Variants in CAMTA1 observed in about 807,000 individuals in gnomAD.
The protein encoded by CAMTA1 is calmodulin-binding transcription activator 1.
CAMTA1 carries 27 observed loss-of-function variants against 170.9 expected under a neutral mutation model. That is an observed-to-expected ratio of 0.16 (90% CI 0.12 to 0.22). CAMTA1 has a LOEUF of 0.22. Among genes scored for constraint, CAMTA1 ranks in the 10% least tolerant of loss-of-function variants. The pLI, the probability that CAMTA1 is intolerant of heterozygous loss-of-function variation, is 1.00. For synonymous variants in CAMTA1, 833 were observed against 891.5 expected (o/e 0.93, Z 1.17); for missense variants, 1,619 against 2,217.2 (o/e 0.73, Z 5.42).
chr1:7,438,267 C>T (rs764660504), intron 5 of CAMTA1, among the ~76,000 whole-genome samples: 16 of 152,078 alleles, frequency 1.1e-4, no homozygotes, highest in South Asian at 2.1e-4. Context: ...ACGCACTGTC[C>T]GAGCGGCAGG....
chr1:7,756,987 A>G (rs1428715257), intron 22 of CAMTA1, among the ~76,000 whole-genome samples: 1 of 152,252 alleles, frequency 6.6e-6, no homozygotes, highest in African/African-American at 2.4e-5. Context: ...TGAAATTATA[A>G]CATGGGAATT....
intron 22 of CAMTA1, among the ~76,000 whole-genome samples, chr1:7,764,877 T>G (rs887026761): frequency 6.6e-6 from 1 of 151,948 alleles, no homozygotes; most frequent in Non-Finnish European, 1.5e-5. Context: ...GGAGAATCAC[T>G]TGAACCCAGG....
intron 6 of CAMTA1, among the ~76,000 whole-genome samples, chr1:7,493,932 CG>C (rs891930521): frequency 2.6e-5 from 4 of 152,090 alleles, no homozygotes; most frequent in Non-Finnish European, 5.9e-5. Flanking sequence ...CTTCACTCCC[CG>C]TCTCTGCCTC....
intron 4 of CAMTA1, among the ~76,000 whole-genome samples, chr1:7,185,922 C>T (rs1053987946): frequency 6.6e-6 from 1 of 152,172 alleles, no homozygotes; most frequent in Non-Finnish European, 1.5e-5. Context: ...GATCGGATCC[C>T]GGACCACGCG....
intron 3 of CAMTA1, among the ~76,000 whole-genome samples, chr1:6,908,631 G>A (rs1280204505): frequency 1.3e-5 from 2 of 152,184 alleles, no homozygotes; most frequent in Non-Finnish European, 2.9e-5. Context: ...CTTTTCTTGG[G>A]GTAGAGAGTT....
intron 3 of CAMTA1, among the ~76,000 whole-genome samples, chr1:6,973,563 T>A (rs1435081008): frequency 6.6e-6 from 1 of 152,244 alleles, no homozygotes; most frequent in Non-Finnish European, 1.5e-5. Flanking sequence ...TTTGGGCTTT[T>A]GTGAATAGTG....
At chr1:7,386,399 CACT>C (rs1179721557) in intron 5 of CAMTA1, among the ~76,000 whole-genome samples, 5 of 152,184 alleles carry the variant, frequency 3.3e-5, no homozygotes, top group Admixed American at 3.3e-4. Context: ...AGGCTGTAGC[CACT>C]CAGTCATCCC....
chr1:7,358,071 G>T (rs370846621), intron 5 of CAMTA1, among the ~76,000 whole-genome samples: 8 of 152,214 alleles, frequency 5.3e-5, no homozygotes, highest in African/African-American at 1.9e-4. Flanking sequence ...TTTGTGGAGG[G>T]GGGGAATGGA....
At chr1:7,127,034 G>A (rs926902915) in intron 4 of CAMTA1, among the ~76,000 whole-genome samples, 3 of 152,212 alleles carry the variant, frequency 2.0e-5, no homozygotes, top group Admixed American at 6.5e-5. Context: ...CTCCCAAAGC[G>A]CTGGGATTAC....
At chr1:7,728,850 C>T (rs1478416378) in intron 11 of CAMTA1, among the ~76,000 whole-genome samples, 3 of 152,154 alleles carry the variant, frequency 2.0e-5, no homozygotes, top group African/African-American at 7.2e-5. Flanking sequence ...CCTCTGTAGT[C>T]ATCTTGTGTT....
intron 5 of CAMTA1, among the ~76,000 whole-genome samples, chr1:7,318,786 C>T (rs954982842): frequency 3.3e-5 from 5 of 152,232 alleles, no homozygotes; most frequent in African/African-American, 4.8e-5. Context: ...CCTGGTGCCA[C>T]GCGTTTTACT....
chr1:7,522,862 G>T (rs945819686), intron 6 of CAMTA1, among the ~76,000 whole-genome samples: 3 of 152,118 alleles, frequency 2.0e-5, no homozygotes, highest in Non-Finnish European at 2.9e-5. Flanking sequence ...CTGTTCTGTT[G>T]ATCTCTTTTT....
chr1:7,672,575 C>A (rs1458149929), intron 10 of CAMTA1, among the ~76,000 whole-genome samples: 1 of 152,160 alleles, frequency 6.6e-6, no homozygotes. Context: ...GCTTGTGCCA[C>A]CACACCCAGC....
rs757670660 is a variant in CAMTA1 at position 7,671,058 on chromosome 1, GC to G, written c.2779+26del. The G allele has an allele frequency of 1.2e-5, 19 of 1,611,636 alleles. No homozygotes were observed. The East Asian group carries it at 4.0e-4, about 34-fold the overall frequency. On this transcript the variant is annotated intron_variant, in intron 10 of 22. Transcript: ENST00000303635. ...CCCAGGTGAGAAAGCCGCCCCCCAG[GC>G]CCCCAAGGTGAGTGTGATGGCCTGA...
intron 5 of CAMTA1, among the ~76,000 whole-genome samples, chr1:7,437,858 T>C (rs1401188617): frequency 6.6e-6 from 1 of 152,160 alleles, no homozygotes; most frequent in Non-Finnish European, 1.5e-5. Context: ...GTCCAGCACA[T>C]GGGTGAAGCA....
intron 2 of CAMTA1, among the ~76,000 whole-genome samples, chr1:6,820,813 T>C (rs1646405298): frequency 6.6e-6 from 1 of 152,110 alleles, no homozygotes; most frequent in Non-Finnish European, 1.5e-5. Flanking sequence ...TAATGGAAAA[T>C]AGATTTACTT....
At chr1:7,705,539 T>TCGGGGCGCGCGGGGG (rs1048467290) in intron 11 of CAMTA1, among the ~76,000 whole-genome samples, 3 of 147,772 alleles carry the variant, frequency 2.0e-5, no homozygotes, top group Non-Finnish European at 4.5e-5. Flanking sequence ...TGGGGCGGCG[T>TCGGGGCGCGCGGGGG]CGGGGCGCGC....
At chr1:7,413,302 G>T (rs2149271105) in intron 5 of CAMTA1, among the ~76,000 whole-genome samples, 1 of 152,244 alleles carries the variant, frequency 6.6e-6, no homozygotes, top group East Asian at 1.9e-4. Flanking sequence ...GAAAGCCATT[G>T]GTAGCTTGAT....
chr1:7,141,480 G>T (rs537266075), intron 4 of CAMTA1, among the ~76,000 whole-genome samples: 1 of 152,162 alleles, frequency 6.6e-6, no homozygotes, highest in Non-Finnish European at 1.5e-5. Flanking sequence ...TCTCCAGATC[G>T]CCCATGGAAG....
Sources: allele counts gnomAD v4.1 joint callset (sites outside exome capture counted in the v4.1 genomes callset), GRCh38; gene constraint gnomAD v4.1.1; transcripts MANE v1.5; gene names NCBI Gene and HGNC (gene_info 2026-07-23, HGNC 2026-07-21).